The following PRDM16 variants were observed in gnomAD, a reference collection of about 807,000 sequenced individuals.
PRDM16 encodes the protein histone-lysine N-methyltransferase PRDM16.
In PRDM16, 23 loss-of-function variants were observed where a neutral mutation model predicts 110.6. The ratio of observed to expected loss-of-function variants is 0.21; its 90% confidence interval spans 0.15 to 0.29. The LOEUF (loss-of-function observed/expected upper bound fraction) is 0.29, where lower values mean the gene tolerates loss of function less well. PRDM16 is among the 10% of genes least tolerant of loss of function. The pLI, the probability that PRDM16 is intolerant of heterozygous loss-of-function variation, is 1.00. For synonymous variants in PRDM16, 799 were observed against 781.8 expected (o/e 1.02, Z -0.37); for missense variants, 1,615 against 1,794.3 (o/e 0.90, Z 1.81).
At chr1:3,083,228 C>T (rs1269405818) in intron 1 of PRDM16, among the ~76,000 whole-genome samples, 2 of 152,160 alleles carry the variant, frequency 1.3e-5, no homozygotes, top group Non-Finnish European at 2.9e-5. Context: ...GGCTAGGAGA[C>T]GCAGGGGTCG....
At chr1:3,087,635 A>T (rs1430932266) in intron 1 of PRDM16, among the ~76,000 whole-genome samples, 1 of 152,070 alleles carries the variant, frequency 6.6e-6, no homozygotes, top group Non-Finnish European at 1.5e-5. Flanking sequence ...TGCCCAACGC[A>T]CCCTGTTTCC....
At chr1:3,167,480 G>A (rs890522658) in intron 1 of PRDM16, among the ~76,000 whole-genome samples, 1 of 152,002 alleles carries the variant, frequency 6.6e-6, no homozygotes, top group African/African-American at 2.4e-5. Context: ...CAGCCGGGGC[G>A]AAGGGCCTCC....
chr1:3,240,160 A>G (rs1331517730), intron 2 of PRDM16, among the ~76,000 whole-genome samples: 2 of 151,952 alleles, frequency 1.3e-5, no homozygotes, highest in Non-Finnish European at 2.9e-5. Flanking sequence ...CGAGCTGGGC[A>G]TGATGGCTCA....
In PRDM16 at chr1:3,412,309, T is replaced by C. The variant is rs745699118; in HGVS notation, c.2112T>C (p.Phe704=). 9 of 1,613,678 alleles carry C rather than the reference T, an allele frequency of 5.6e-6. No individual in the cohort carries two copies. Among genetic ancestry groups the C allele is most frequent in the Non-Finnish European group, 5.9e-6 (7 of 1,180,022 alleles). ...KAIASIAEKY[F]GPGFMGMQEK... Reference sequence around the variant, plus strand: ...TCGCATCCATTGCCGAGAAGTACTTTGGCCCCGGCTTCATGGGGATGCAGG... The same window carrying C: ...TCGCATCCATTGCCGAGAAGTACTTCGGCCCCGGCTTCATGGGGATGCAGG... The change falls in exon 9 of 17, where the codon TTT becomes TTC. Residue 704 remains phenylalanine, a synonymous_variant. Coordinates refer to ENST00000270722, the MANE Select transcript of PRDM16 (RefSeq NM_022114.4).
intron 12 of PRDM16, among the ~76,000 whole-genome samples, chr1:3,421,632 A>G (rs1638433204): frequency 6.6e-6 from 1 of 152,198 alleles, no homozygotes; most frequent in South Asian, 2.1e-4. Flanking sequence ...CTGCAACCAA[A>G]TTGAACGCAC....
chr1:3,327,265 T>C (rs990516866), intron 3 of PRDM16, among the ~76,000 whole-genome samples: 29 of 152,224 alleles, frequency 1.9e-4, no homozygotes, highest in Non-Finnish European at 1.6e-4. Context: ...CATGCAGAAC[T>C]CTGCCTGTGA....
At chr1:3,364,763 A>T (rs966638947) in intron 3 of PRDM16, among the ~76,000 whole-genome samples, 1 of 152,260 alleles carries the variant, frequency 6.6e-6, no homozygotes, top group Non-Finnish European at 1.5e-5. Context: ...TGGCCGGGCC[A>T]GGAGGCCCAG....
chr1:3,200,053 A>G (rs1468646695), intron 2 of PRDM16, among the ~76,000 whole-genome samples: 1 of 152,272 alleles, frequency 6.6e-6, no homozygotes, highest in Non-Finnish European at 1.5e-5. Context: ...CTGAGATATC[A>G]GACTGGAGGT....
intron 3 of PRDM16, among the ~76,000 whole-genome samples, chr1:3,303,689 G>T (rs1305970468): frequency 6.6e-6 from 1 of 152,208 alleles, no homozygotes; most frequent in African/African-American, 2.4e-5. Flanking sequence ...AGTAGTGTGA[G>T]GGTCCTAACT....
intron 3 of PRDM16, among the ~76,000 whole-genome samples, chr1:3,378,218 T>A (rs1643029091): frequency 6.6e-6 from 1 of 152,158 alleles, no homozygotes; most frequent in Non-Finnish European, 1.5e-5. Flanking sequence ...CTTCCACCGA[T>A]CCCTGATTTC....
chr1:3,418,594 A>G, intron 11 of PRDM16, 73 bp from the exon 12 acceptor site: 1 of 1,046,336 alleles, frequency 9.6e-7, no homozygotes, highest in East Asian at 2.4e-5. Context: ...ATTAGCTTGA[A>G]ACCATTTCTG....
chr1:3,203,335 T>C (rs1055312598), intron 2 of PRDM16, among the ~76,000 whole-genome samples: 1 of 152,202 alleles, frequency 6.6e-6, no homozygotes, highest in Non-Finnish European at 1.5e-5. Context: ...TGAGTTCTCA[T>C]TCTATGTTTG....
intron 3 of PRDM16, among the ~76,000 whole-genome samples, chr1:3,273,761 A>T (rs1360149775): frequency 6.6e-6 from 1 of 151,408 alleles, no homozygotes; most frequent in Non-Finnish European, 1.5e-5. Flanking sequence ...GGGGTTGCAT[A>T]TATAAGGGTA....
At chr1:3,289,268 G>A (rs987839209) in intron 3 of PRDM16, among the ~76,000 whole-genome samples, 2 of 152,206 alleles carry the variant, frequency 1.3e-5, no homozygotes, top group African/African-American at 4.8e-5. Flanking sequence ...CCCCTGCCTA[G>A]GCCCCCAGAG....
At chr1:3,174,136 C>T (rs943734146) in intron 1 of PRDM16, among the ~76,000 whole-genome samples, 9 of 152,254 alleles carry the variant, frequency 5.9e-5, no homozygotes, top group East Asian at 5.8e-4. Flanking sequence ...GAAGAGTCCC[C>T]GCTCACCTCT....
Position 3,435,007 on chromosome 1 carries a change from C to T in PRDM16, c.*1196C>T, listed in dbSNP as rs547443661. 86 of 228,104 alleles carry T rather than the reference C, an allele frequency of 3.8e-4. No individual in the cohort carries two copies. The highest frequency in any genetic ancestry group is 1.9e-3 in the African/African-American group (85 of 45,116). 14.1% of individuals were successfully genotyped at this position (228,104 alleles called of 1,614,324 possible). A position where few individuals can be genotyped will look rare whatever the true frequency, so the allele number is the denominator to read the frequency against. ...TGGACGACACAGTCGTCACGTCGCT[C>T]TTCCTGCGGGTTCTTGGCGAGACAC... On this transcript the variant is annotated 3_prime_UTR_variant, in exon 17 of 17. Coordinates refer to ENST00000270722, the MANE Select transcript of PRDM16 (RefSeq NM_022114.4).
chr1:3,166,130 C>T (rs1997636), intron 1 of PRDM16, among the ~76,000 whole-genome samples: 9,183 of 152,294 alleles, frequency 0.06, 780 homozygotes, highest in East Asian at 0.23. Context: ...CCTTGCTTTC[C>T]GTTTGGCTGA....
intron 2 of PRDM16, among the ~76,000 whole-genome samples, chr1:3,189,015 A>G (rs1327862304): frequency 6.6e-6 from 1 of 152,142 alleles, no homozygotes; most frequent in Non-Finnish European, 1.5e-5. Context: ...GCTGATTGCT[A>G]TTTCCCCCTG....
chr1:3,292,146 C>T (rs1640987056), intron 3 of PRDM16, among the ~76,000 whole-genome samples: 1 of 152,254 alleles, frequency 6.6e-6, no homozygotes, highest in Non-Finnish European at 1.5e-5. Context: ...CACTGACAAC[C>T]TTGGGCACGT....
Sources: gnomAD v4.1 joint callset for allele counts (sites outside exome capture counted in the v4.1 genomes callset) on GRCh38, gnomAD v4.1.1 for gene constraint, MANE v1.5 for transcripts, NCBI Gene and HGNC (gene_info 2026-07-23, HGNC 2026-07-21) for gene names.